The following FRZB variants were observed in gnomAD, a reference collection of about 807,000 sequenced individuals.
FRZB encodes the protein frizzled related protein, also known as secreted frizzled-related protein 3.
A neutral mutation model predicts 32.5 loss-of-function variants in FRZB; 34 were observed. The ratio of observed to expected loss-of-function variants is 1.05; its 90% CI spans 0.80 to 1.39. The LOEUF (loss-of-function observed/expected upper bound fraction) is 1.39, where lower values mean the gene tolerates loss of function less well. Ranked by LOEUF, FRZB falls within the 40% of genes most tolerant of loss-of-function variation. FRZB has a pLI of 0.00. For missense variants in FRZB, 423 were observed against 424.8 expected (o/e 1.00, Z 0.04); for synonymous variants, 170 against 159.2 (o/e 1.07, Z -0.51).
chr2:182,848,236 G>A (rs1279567547), intron 2 of FRZB, among the ~76,000 whole-genome samples: 2 of 152,148 alleles, frequency 1.3e-5, no homozygotes, highest in Non-Finnish European at 1.5e-5. Flanking sequence ...AGTGGCTGGG[G>A]TAGAATAGAC....
chr2:182,853,077 C>T (rs1223833507), intron 2 of FRZB, among the ~76,000 whole-genome samples: 1 of 152,122 alleles, frequency 6.6e-6, no homozygotes, highest in Non-Finnish European at 1.5e-5. Flanking sequence ...TGAGTGTGAA[C>T]AAATTATATT....
chr2:182,838,455 T>G lies in FRZB; in HGVS notation c.751A>C (p.Asn251His). 6.2e-7 allele frequency: 1 copy of G among 1,612,836 alleles called. No homozygotes were observed. The highest frequency in any genetic ancestry group is 1.3e-5 in the African/African-American group (1 of 74,940). Residue 251 changes from asparagine (N) to histidine (H), a missense_variant, in exon 4 of 6, where the codon AAT becomes CAT. By Grantham distance (68) the Asn-to-His change is moderately conservative (BLOSUM62 1). Transcript: ENST00000295113. ...SGCLCPPLNVNEEYIIMGYED... is the reference protein window; with the variant it reads ...SGCLCPPLNVHEEYIIMGYED... ...TAGCCCATGATGATATATTCCTCAT[T>G]AACATTAAGTGGAGGGCAGAGGCAG...
intron 1 of FRZB, among the ~76,000 whole-genome samples, chr2:182,864,910 G>GA (rs951616380): frequency 1.3e-5 from 2 of 151,916 alleles, no homozygotes; most frequent in African/African-American, 2.4e-5. Flanking sequence ...GACCACTCAT[G>GA]AAAAAAAATT....
intron 3 of FRZB, among the ~76,000 whole-genome samples, chr2:182,841,232 T>A (rs539467839): frequency 6.6e-6 from 1 of 152,246 alleles, no homozygotes; most frequent in Admixed American, 6.5e-5. Context: ...ATTAATTCCA[T>A]TGAAGAAAAA....
In FRZB at chr2:182,834,682, G is replaced by C; in HGVS notation, c.*167C>G. On this transcript the variant is annotated 3_prime_UTR_variant, in exon 6 of 6. Coordinates refer to ENST00000295113, the MANE Select transcript of FRZB (RefSeq NM_001463.4). Reference sequence around the variant, plus strand: ...CCATTACAAAGGGGTTGAGAGAAGAGAGAAGCAGAAACCAAAAGAGAAACA... The same window carrying C: ...CCATTACAAAGGGGTTGAGAGAAGACAGAAGCAGAAACCAAAAGAGAAACA... 1 of 629,456 alleles carries C rather than the reference G, an allele frequency of 1.6e-6. No homozygotes were observed. Among genetic ancestry groups the C allele is most frequent in the Non-Finnish European group, 2.9e-6 (1 of 346,904 alleles). The allele number at this position is 629,456 out of a possible 1,614,324, so 39.0% of individuals were successfully genotyped here.
intron 1 of FRZB, among the ~76,000 whole-genome samples, chr2:182,863,194 C>A (rs1260684792): frequency 6.6e-6 from 1 of 151,848 alleles, no homozygotes; most frequent in African/African-American, 2.4e-5. Context: ...GGGGCAGAGT[C>A]ATTCACACCT....
rs1695486504 is a variant in FRZB at position 182,833,341 on chromosome 2, C to G, written c.*1508G>C. 6.6e-6 allele frequency: 1 copy of G among 152,142 alleles called. No homozygotes were observed. Among genetic ancestry groups the G allele is most frequent in the Non-Finnish European group, 1.5e-5 (1 of 68,040 alleles). 9.4% of individuals were successfully genotyped at this position (152,142 alleles called of 1,614,324 possible). On this transcript the variant is annotated 3_prime_UTR_variant, in exon 6 of 6. Transcript: ENST00000295113. Reference sequence around the variant, plus strand: ...TAGAAATTTGGTTCTACTAATAGCACACATGTAAATGGCAGAGAATGAAAC... The same window carrying G: ...TAGAAATTTGGTTCTACTAATAGCAGACATGTAAATGGCAGAGAATGAAAC...
intron 5 of FRZB, 65 bp from the exon 6 acceptor site, chr2:182,835,030 C>T (rs2105750079): frequency 8.5e-7 from 1 of 1,183,236 alleles, no homozygotes; most frequent in Non-Finnish European, 1.3e-6. Flanking sequence ...TTCCATGATT[C>T]TAACAACTGG....
At chr2:182,835,264 A>G (rs1695511260) in intron 5 of FRZB, among the ~76,000 whole-genome samples, 1 of 152,112 alleles carries the variant, frequency 6.6e-6, no homozygotes, top group Non-Finnish European at 1.5e-5. Flanking sequence ...ATCTCTGGGT[A>G]TTTCCTGAGG....
chr2:182,866,630 C>A lies in FRZB; in HGVS notation c.-78G>T. ...CGCTCCGCCGTCTCCGCCTCCCCCG[C>A]TGCAAGTGGACACAAGGATCTGGGA... On this transcript the variant is annotated 5_prime_UTR_variant, in exon 1 of 6. Coordinates refer to ENST00000295113, the MANE Select transcript of FRZB (RefSeq NM_001463.4). This position sits in a 1 kb window ranked among gnomAD's most constrained non-coding sequence, Gnocchi z 4.5. The A allele has an allele frequency of 9.6e-7, 1 of 1,046,452 alleles. No homozygotes were observed. Among genetic ancestry groups the A allele is most frequent in the Non-Finnish European group, 1.3e-6 (1 of 754,812 alleles). 64.8% of individuals were successfully genotyped at this position (1,046,452 alleles called of 1,614,324 possible).
chr2:182,858,762 C>G, intron 2 of FRZB, 24 bp downstream of exon 2: 1 of 1,574,228 alleles, frequency 6.4e-7, no homozygotes, highest in Non-Finnish European at 8.7e-7. Context: ...CAAATGAAAA[C>G]CAGGAAGATA....
rs1695489428 is a variant in FRZB at position 182,833,656 on chromosome 2, T to C, written c.*1193A>G. ...GCTTGGGTAATGAGAAATGTGCAATTGGTTCAAAAGTCGAAATAACCTCTC... is the reference window on the plus strand; with the variant it reads ...GCTTGGGTAATGAGAAATGTGCAATCGGTTCAAAAGTCGAAATAACCTCTC... On this transcript the variant is annotated 3_prime_UTR_variant, in exon 6 of 6. Transcript: ENST00000295113. 6.6e-6 allele frequency: 1 copy of C among 152,150 alleles called. No homozygotes were observed. Among genetic ancestry groups the C allele is most frequent in the Non-Finnish European group, 1.5e-5 (1 of 68,024 alleles). The allele number at this position is 152,150 out of a possible 1,614,324, so 9.4% of individuals were successfully genotyped here. A position where few individuals can be genotyped will look rare whatever the true frequency, so the allele number is the denominator to read the frequency against.
chr2:182,846,322 T>C (rs1177294267), intron 2 of FRZB, among the ~76,000 whole-genome samples: 1 of 152,194 alleles, frequency 6.6e-6, no homozygotes, highest in Admixed American at 6.5e-5. Flanking sequence ...CTTTTGGGTC[T>C]TATCCAGAGG....
In FRZB at chr2:182,834,718, T is replaced by C. The variant is rs1442527237; in HGVS notation, c.*131A>G. ...ACCAAAAGAGAAACAGAAGTAATAATCAGTTATCACATGATTTTTATAGTA... is the reference window on the plus strand; with the variant it reads ...ACCAAAAGAGAAACAGAAGTAATAACCAGTTATCACATGATTTTTATAGTA... On this transcript the variant is annotated 3_prime_UTR_variant, in exon 6 of 6. Transcript: ENST00000295113. 4.2e-6 allele frequency: 3 copies of C among 708,908 alleles called. No homozygotes were observed. Among genetic ancestry groups the C allele is most frequent in the Non-Finnish European group, 7.7e-6 (3 of 390,380 alleles). The allele number at this position is 708,908 out of a possible 1,614,324, so 43.9% of individuals were successfully genotyped here.
chr2:182,866,084 C>T lies in FRZB; in HGVS notation c.469G>A (p.Asp157Asn). 6.2e-7 allele frequency: 1 copy of T among 1,609,036 alleles called. No homozygotes were observed. The highest frequency in any genetic ancestry group is 8.5e-7 in the Non-Finnish European group (1 of 1,176,310). Residue 157 changes from aspartate (D) to asparagine (N), a missense_variant, in exon 1 of 6, where the codon GAC (aspartate) becomes AAC (asparagine). Asp to Asn is a conservative substitution (Grantham distance 23). Coordinates refer to ENST00000295113, the MANE Select transcript of FRZB (RefSeq NM_001463.4). This position sits in a 1 kb window ranked among gnomAD's most constrained non-coding sequence, Gnocchi z 4.5. ...CCGTGTCAAAACTCACCAGCTCCGT[C>T]CGCAGTAACGATGGCCTCGGGAGAG... is the stretch of plus-strand genomic sequence containing the variant. Reference protein sequence around the residue: ...CISPEAIVTADGADFPMDSSN... With the variant: ...CISPEAIVTANGADFPMDSSN...
intron 2 of FRZB, among the ~76,000 whole-genome samples, chr2:182,856,800 G>A (rs2100344): frequency 0.45 from 68,756 of 151,304 alleles, 17,043 homozygotes; most frequent in Non-Finnish European, 0.55. Flanking sequence ...ACCAAACAGA[G>A]CTTCAAAATA....
intron 4 of FRZB, 79 bp downstream of exon 4, chr2:182,838,329 AG>A: frequency 8.5e-7 from 1 of 1,182,006 alleles, no homozygotes; most frequent in Non-Finnish European, 1.2e-6. Flanking sequence ...TAAAAATGCG[AG>A]GGTAGCATCT....
At chr2:182,847,565 T>G (rs1184007988) in intron 2 of FRZB, among the ~76,000 whole-genome samples, 1 of 152,186 alleles carries the variant, frequency 6.6e-6, no homozygotes, top group Non-Finnish European at 1.5e-5. Flanking sequence ...GCTAGAAGAC[T>G]TTATCCACTA....
At chr2:182,862,927 C>T (rs1695849504) in intron 1 of FRZB, among the ~76,000 whole-genome samples, 1 of 151,954 alleles carries the variant, frequency 6.6e-6, no homozygotes, top group Non-Finnish European at 1.5e-5. Context: ...GCACCACCAT[C>T]CCAGGCTAAT....
Sources: gnomAD v4.1 joint callset for allele counts (sites outside exome capture counted in the v4.1 genomes callset) on GRCh38, gnomAD v4.1.1 for gene constraint, Gnocchi (gnomAD v3.1) non-coding constraint, MANE v1.5 for transcripts, NCBI Gene and HGNC (gene_info 2026-07-23, HGNC 2026-07-21) for gene names.